SYN3: variants seen among roughly 807,000 people sequenced by gnomAD.
The protein encoded by SYN3 is synapsin-3.
In SYN3, 35 loss-of-function variants were observed where a neutral mutation model predicts 65.8. That is an observed-to-expected ratio of 0.53 (90% CI 0.41 to 0.70). SYN3 has a LOEUF of 0.70. SYN3 is among the 30% of genes least tolerant of loss of function. SYN3 has a pLI of 0.00. For synonymous variants in SYN3, 270 were observed against 292.9 expected, an observed-to-expected ratio of 0.92 and a Z score of 0.80; for missense variants, 680 against 749.0, an observed-to-expected ratio of 0.91 and a Z score of 1.08.
intron 6 of SYN3, among the ~76,000 whole-genome samples, chr22:32,754,284 T>C (rs1384673058): frequency 7.9e-5 from 12 of 152,138 alleles, no homozygotes; most frequent in Non-Finnish European, 1.0e-4. Flanking sequence ...CTCAAGTAGC[T>C]GGGATTACAG....
At chr22:32,681,660 T>C (rs1175843144) in intron 6 of SYN3, among the ~76,000 whole-genome samples, 1 of 152,212 alleles carries the variant, frequency 6.6e-6, no homozygotes, top group Non-Finnish European at 1.5e-5. Context: ...CCATTCACAA[T>C]AGTACCTCAC....
At chr22:32,751,952 C>T (rs554069341) in intron 6 of SYN3, among the ~76,000 whole-genome samples, 1 of 152,282 alleles carries the variant, frequency 6.6e-6, no homozygotes, top group South Asian at 2.1e-4. Context: ...AATGATCCTT[C>T]TCTGAGGAAA....
chr22:33,031,595 T>C (rs748976257), intron 1 of SYN3, among the ~76,000 whole-genome samples: 9 of 152,016 alleles, frequency 5.9e-5, no homozygotes, highest in South Asian at 2.1e-4. Flanking sequence ...CCCTGTCCTT[T>C]GGGTAATTCA....
chr22:32,690,484 G>A (rs1445591772), intron 6 of SYN3, among the ~76,000 whole-genome samples: 11 of 152,146 alleles, frequency 7.2e-5, no homozygotes, highest in African/African-American at 1.4e-4. Context: ...CCTGAGGCTC[G>A]GATGGACCTG....
At position 32,665,019 on chromosome 22, in the gene SYN3, G is replaced by GTTA. The variant is rs2060271292; in HGVS notation, c.712-68284_712-68283insTAA. ...TTTTTTTTTTTTTTTTTTTTTTTTG[G>GTTA]GGCAGAGCCTGTTCTGTCACCCAGG... is the stretch of plus-strand genomic sequence containing the variant. On this transcript the variant is annotated intron_variant, in intron 6 of 13. Coordinates refer to ENST00000358763, the MANE Select transcript of SYN3 (RefSeq NM_003490.4). 3.9e-5 allele frequency among the ~76,000 whole-genome samples: 4 copies of GTTA among 102,550 alleles called. 2 individuals carry two copies. The highest frequency in any genetic ancestry group is 3.8e-5 in the Non-Finnish European group (2 of 51,996). The allele number at this position is 102,550 out of a possible 152,430, so 67.3% of individuals were successfully genotyped here. A position where few individuals can be genotyped will look rare whatever the true frequency, so the allele number is the denominator to read the frequency against.
At chr22:32,792,842 A>G (rs879792671) in intron 6 of SYN3, among the ~76,000 whole-genome samples, 11 of 152,206 alleles carry the variant, frequency 7.2e-5, no homozygotes, top group African/African-American at 2.2e-4. Context: ...AAATGCCCCA[A>G]TGAACGTGTG....
At chr22:32,943,218 G>A (rs148133889) in intron 3 of SYN3, among the ~76,000 whole-genome samples, 13,116 of 152,236 alleles carry the variant, frequency 0.086, 721 homozygotes, top group Non-Finnish European at 0.12. Flanking sequence ...TACCCACAAA[G>A]GGAAGCCCAT....
intron 7 of SYN3, among the ~76,000 whole-genome samples, chr22:32,567,343 T>TCCCC (rs2058686289): frequency 2.5e-5 from 1 of 39,914 alleles, no homozygotes; most frequent in African/African-American, 9.6e-5. Context: ...CCTCCCTCCC[T>TCCCC]CCCTCCCTCC....
At chr22:32,936,593 C>G (rs1223773888) in intron 3 of SYN3, among the ~76,000 whole-genome samples, 1 of 152,190 alleles carries the variant, frequency 6.6e-6, no homozygotes, top group Non-Finnish European at 1.5e-5. Context: ...GGAAAGTAAT[C>G]AAGGCCAGGA....
chr22:32,526,706 T>C (rs1755369313), intron 12 of SYN3, among the ~76,000 whole-genome samples: 2 of 152,170 alleles, frequency 1.3e-5, no homozygotes, highest in Non-Finnish European at 2.9e-5. Context: ...TTTTTAGTAC[T>C]GATGGGGTTT....
intron 3 of SYN3, among the ~76,000 whole-genome samples, chr22:32,941,215 A>G (rs2050928281): frequency 6.6e-6 from 1 of 152,216 alleles, no homozygotes. Context: ...GAGAAAGCAC[A>G]TCTATTCTTT....
At chr22:32,957,491 T>G (rs1474470017) in intron 3 of SYN3, among the ~76,000 whole-genome samples, 1 of 152,218 alleles carries the variant, frequency 6.6e-6, no homozygotes, top group African/African-American at 2.4e-5. Context: ...GGGCCTCATG[T>G]GCTGGCGCCT....
chr22:32,664,209 T>C (rs906799311), intron 6 of SYN3, among the ~76,000 whole-genome samples: 31 of 152,214 alleles, frequency 2.0e-4, no homozygotes, highest in Non-Finnish European at 4.1e-4. Context: ...TCACCTAATG[T>C]GTGCTCTTCC....
chr22:32,564,235 C>T (rs971966726), intron 7 of SYN3, among the ~76,000 whole-genome samples: 2 of 152,176 alleles, frequency 1.3e-5, no homozygotes, highest in East Asian at 1.9e-4. Context: ...AACCATTTGC[C>T]GGCCATGACT....
intron 6 of SYN3, among the ~76,000 whole-genome samples, chr22:32,671,173 G>A (rs1214906810): frequency 7.9e-5 from 12 of 152,022 alleles, no homozygotes; most frequent in Non-Finnish European, 4.4e-5. Flanking sequence ...GGGTGCACGG[G>A]TTAGGGTGCT....
At chr22:32,820,313 CGT>C (rs937436610) in intron 6 of SYN3, among the ~76,000 whole-genome samples, 9 of 146,472 alleles carry the variant, frequency 6.1e-5, no homozygotes, top group Non-Finnish European at 1.2e-4. Flanking sequence ...TGTTCTACTC[CGT>C]GTGTGTGTCA....
At chr22:32,999,795 C>T (rs1196649204) in intron 2 of SYN3, among the ~76,000 whole-genome samples, 3 of 152,150 alleles carry the variant, frequency 2.0e-5, no homozygotes, top group African/African-American at 4.8e-5. Context: ...TTGAGGGCAA[C>T]GATTCCCCCA....
chr22:32,731,825 T>C (rs1362209633), intron 6 of SYN3, among the ~76,000 whole-genome samples: 1 of 152,142 alleles, frequency 6.6e-6, no homozygotes, highest in Non-Finnish European at 1.5e-5. Flanking sequence ...AGAGGCCATA[T>C]GGTGTGATAT....
At chr22:32,886,667 G>A (rs1297912601) in intron 4 of SYN3, among the ~76,000 whole-genome samples, 1 of 152,194 alleles carries the variant, frequency 6.6e-6, no homozygotes, top group Non-Finnish European at 1.5e-5. Flanking sequence ...GGTGACTTGT[G>A]TCCCTCTACT....
Sources: gnomAD v4.1 joint callset for allele counts (sites outside exome capture counted in the v4.1 genomes callset) on GRCh38, gnomAD v4.1.1 for gene constraint, MANE v1.5 for transcripts, NCBI Gene and HGNC (gene_info 2026-07-23, HGNC 2026-07-21) for gene names.